The following HEATR9 variants were observed in gnomAD, a reference collection of about 807,000 sequenced individuals.
HEATR9 encodes protein HEATR9.
HEATR9 carries 54 observed loss-of-function variants against 68.2 expected under a neutral mutation model. The observed-to-expected ratio is 0.79, with a 90% CI of 0.64 to 0.99. The LOEUF (loss-of-function observed/expected upper bound fraction) is 0.99, where lower values mean the gene tolerates loss of function less well. HEATR9 is among the 50% of genes least tolerant of loss of function. HEATR9 has a pLI of 0.00. For missense variants in HEATR9, 662 were observed against 679.7 expected, an observed-to-expected ratio of 0.97 and a Z score of 0.29; for synonymous variants, 241 against 253.5, an observed-to-expected ratio of 0.95 and a Z score of 0.47.
chr17:35,866,832 G>T (rs2088213070), intron 1 of HEATR9, 59 bp from the exon 2 acceptor site: 1 of 1,543,880 alleles, frequency 6.5e-7, no homozygotes, highest in East Asian at 2.2e-5. Flanking sequence ...TGCAGGCCAG[G>T]CTTGGTGGCT....
intron 8 of HEATR9, chr17:35,861,273 C>G: frequency 7.2e-7 from 1 of 1,392,730 alleles, no homozygotes; most frequent in Non-Finnish European, 1.0e-6. Flanking sequence ...TCTGTTTGAT[C>G]TCTTCAACTC....
rs1230418384 is a variant in HEATR9, at chr17:35,855,329, CAT to C, written c.1445_1446del (p.Tyr482Ter). 6.2e-7 allele frequency: 1 copy of C among 1,614,156 alleles called. No individual in the cohort carries two copies. The highest frequency in any genetic ancestry group is 1.1e-5 in the South Asian group (1 of 91,084). On this transcript the variant is annotated frameshift_variant, in exon 15 of 15. Transcript: ENST00000604834. LOFTEE classifies it low-confidence loss of function (END_TRUNC). ...GCCTTCACATTGGTCTTAGGTGCCTCATATACAGAGAGAACCTTGTTTTTCAG... is the reference window on the plus strand; with the variant it reads ...GCCTTCACATTGGTCTTAGGTGCCTCATACAGAGAGAACCTTGTTTTTCAG... ...NKLKNKVLSV[Y>X]EAPKTNVKAE...
chr17:35,856,111 A>C, intron 13 of HEATR9, 62 bp downstream of exon 13: 1 of 1,532,318 alleles, frequency 6.5e-7, no homozygotes. Context: ...GACTCTGCTC[A>C]ATCGCCTACT....
At chr17:35,861,648 T>C in intron 8 of HEATR9, 1 of 588,552 alleles carries the variant, frequency 1.7e-6, no homozygotes, top group Non-Finnish European at 3.0e-6. Flanking sequence ...CTGCCTGGAA[T>C]GTCTTCTCTC....
chr17:35,865,468 G>A, intron 2 of HEATR9, 72 bp from the exon 3 acceptor site: 2 of 1,174,484 alleles, frequency 1.7e-6, no homozygotes, highest in Non-Finnish European at 2.4e-6. Context: ...TGGGGAGGAG[G>A]GGGTAAAGGG....
At chr17:35,863,448 G>A in intron 7 of HEATR9, 54 bp downstream of exon 7, 1 of 1,557,562 alleles carries the variant, frequency 6.4e-7, no homozygotes, top group Non-Finnish European at 8.9e-7. Flanking sequence ...CTTACCCAAA[G>A]GAGAAAGTGG....
At chr17:35,862,470 T>C (rs2088029495) in intron 8 of HEATR9, among the ~76,000 whole-genome samples, 1 of 152,244 alleles carries the variant, frequency 6.6e-6, no homozygotes, top group African/African-American at 2.4e-5. Flanking sequence ...GGTTTTACCA[T>C]AATAAGTTAT....
intron 8 of HEATR9, chr17:35,861,519 G>A: frequency 9.8e-7 from 1 of 1,016,130 alleles, no homozygotes; most frequent in Non-Finnish European, 1.5e-6. Context: ...TCATGTCATG[G>A]CTGGGGTAGA....
At chr17:35,855,489 AG>A (rs1338650020) in intron 14 of HEATR9, 79 bp from the exon 15 acceptor site, 7 of 1,404,578 alleles carry the variant, frequency 5.0e-6, no homozygotes, top group Non-Finnish European at 6.0e-6. Flanking sequence ...CACCCAAAGT[AG>A]GGGGGAATTC....
At chr17:35,862,896 G>A (rs2088046480) in intron 8 of HEATR9, 99 bp downstream of exon 8, 3 of 1,521,664 alleles carry the variant, frequency 2.0e-6, no homozygotes, top group Non-Finnish European at 2.7e-6. Flanking sequence ...CTCTATCAAA[G>A]CTGTGCTAGG....
At chr17:35,863,923 C>A in intron 6 of HEATR9, 1 of 534,490 alleles carries the variant, frequency 1.9e-6, no homozygotes, top group Non-Finnish European at 3.3e-6. Context: ...CAGTGGTAAG[C>A]TGATGTATAC....
intron 6 of HEATR9, chr17:35,863,766 T>C (rs1190545250): frequency 4.9e-6 from 3 of 616,192 alleles, no homozygotes; most frequent in Non-Finnish European, 8.6e-6. Context: ...TTCAAATCTC[T>C]ATCTGGTATC....
intron 8 of HEATR9, among the ~76,000 whole-genome samples, chr17:35,860,478 A>T (rs996880786): frequency 3.0e-3 from 315 of 105,698 alleles, no homozygotes; most frequent in Admixed American, 7.3e-3. Context: ...TTATTTATTT[A>T]TTTTATTTAT....
In HEATR9 at chr17:35,855,299, G is replaced by T. The variant is rs746528167; in HGVS notation, c.1477C>A (p.Pro493Thr). 3 of 1,614,166 alleles carry T rather than the reference G, an allele frequency of 1.9e-6. No individual in the cohort carries two copies. Among genetic ancestry groups the T allele is most frequent in the African/African-American group, 2.7e-5 (2 of 75,048 alleles). ...TCAGGCTCTTTCTGGAACCTTGTGG[G>T]CTCTGCCTTCACATTGGTCTTAGGT... ...EAPKTNVKAE[P>T]TRFQKEPENP... Residue 493 changes from proline (P) to threonine (T), a missense_variant, in exon 15 of 15, where the codon CCC becomes ACC. Physicochemically the swap from Pro to Thr is conservative, Grantham distance 38. Coordinates refer to ENST00000604834, the MANE Select transcript of HEATR9 (RefSeq NM_152781.4).
chr17:35,864,789 G>A lies in HEATR9; in HGVS notation c.422C>T (p.Thr141Ile), dbSNP rs140690005. ...TCTTTGCCACTTCAGGGGGTCCTGG[G>A]TAGGCTCTAAGGGCCTGGATCGCAT... ...SEMRSRPLEPTQDPLKWQRLR... is the reference protein window; with the variant it reads ...SEMRSRPLEPIQDPLKWQRLR... Residue 141 changes from threonine (T) to isoleucine (I), a missense_variant, in exon 4 of 15, where the codon ACC becomes ATC. Thr to Ile is a moderately conservative substitution (Grantham distance 89). Coordinates refer to ENST00000604834, the MANE Select transcript of HEATR9 (RefSeq NM_152781.4). 2.2e-4 allele frequency: 360 copies of A among 1,614,068 alleles called. No individual in the cohort carries two copies. Among genetic ancestry groups the A allele is most frequent in the Non-Finnish European group, 3.0e-4 (350 of 1,180,054 alleles).
At position 35,865,203 on chromosome 17, in the gene HEATR9, A is replaced by G. The variant is rs1347091478; in HGVS notation, c.320+12T>C. 9.9e-6 allele frequency: 16 copies of G among 1,610,986 alleles called. No individual in the cohort carries two copies. Among genetic ancestry groups the G allele is most frequent in the Non-Finnish European group, 1.4e-5 (16 of 1,178,362 alleles). On this transcript the variant is annotated intron_variant, in intron 3 of 14. Transcript: ENST00000604834. Reference sequence around the variant, plus strand: ...GGAGGGTGAGAAGAATATGGAGGCCAGCAAAACACACCTACAGTCATCTCT... The same window carrying G: ...GGAGGGTGAGAAGAATATGGAGGCCGGCAAAACACACCTACAGTCATCTCT...
rs1489771619 is a variant in HEATR9 at position 35,855,260 on chromosome 17, A to C, written c.1516T>G (p.Leu506Val). 5 of 1,613,810 alleles carry C rather than the reference A, an allele frequency of 3.1e-6. No individual in the cohort carries two copies. Among genetic ancestry groups the C allele is most frequent in the Admixed American group, 3.3e-5 (2 of 59,996 alleles). ...GCAAGTCGAAAGTCTTGAATAGTTA[A>C]CTCTTCTGGGTTCTCAGGCTCTTTC... ...FQKEPENPEE[L>V]TIQDFRLAKL... Residue 506 changes from leucine to valine, a missense_variant, in exon 15 of 15, where the codon TTA becomes GTA. Transcript: ENST00000604834.
chr17:35,858,833 C>G, intron 9 of HEATR9, 55 bp downstream of exon 9: 5 of 1,583,356 alleles, frequency 3.2e-6, no homozygotes, highest in African/African-American at 1.3e-5. Context: ...AGACCACACA[C>G]AATTCAGCAG....
At chr17:35,865,065 T>A (rs940979561) in intron 3 of HEATR9, 150 bp downstream of exon 3, 2 of 1,280,928 alleles carry the variant, frequency 1.6e-6, no homozygotes, top group Non-Finnish European at 2.2e-6. Context: ...CCGAGCCAGA[T>A]GGAGCTGAGC....
Sources: gnomAD v4.1 joint callset for allele counts (sites outside exome capture counted in the v4.1 genomes callset) on GRCh38, gnomAD v4.1.1 for gene constraint, MANE v1.5 for transcripts, NCBI Gene and HGNC (gene_info 2026-07-23, HGNC 2026-07-21) for gene names.